The following PREX2 variants were observed in gnomAD, a reference collection of about 807,000 sequenced individuals.
PREX2 encodes phosphatidylinositol-3,4,5-trisphosphate dependent Rac exchange factor 2, also known as phosphatidylinositol 3,4,5-trisphosphate-dependent Rac exchanger 2 protein.
A neutral mutation model predicts 203.2 loss-of-function variants in PREX2; 107 were observed. The observed-to-expected ratio is 0.53, with a 90% CI of 0.45 to 0.62. The LOEUF is 0.62. Among genes scored for constraint, PREX2 ranks in the 20% least tolerant of loss-of-function variants. PREX2 has a pLI of 0.00. For missense variants in PREX2, 1,777 were observed against 1,955.9 expected (o/e 0.91, Z 1.72); for synonymous variants, 672 against 663.6 (o/e 1.01, Z -0.19).
intron 23 of PREX2, chr8:68,100,199 T>C (rs1262921351): frequency 4.3e-6 from 2 of 462,174 alleles, no homozygotes; most frequent in East Asian, 6.7e-5. Flanking sequence ...TTCTCCCAAC[T>C]AAGAGAATGA....
At chr8:68,160,421 A>G (rs1811631898) in intron 35 of PREX2, among the ~76,000 whole-genome samples, 1 of 152,106 alleles carries the variant, frequency 6.6e-6, no homozygotes, top group African/African-American at 2.4e-5. Context: ...ATCACTGATA[A>G]CATATATCAA....
chr8:68,206,101 G>C (rs1265538638), intron 37 of PREX2, among the ~76,000 whole-genome samples: 1 of 152,134 alleles, frequency 6.6e-6, no homozygotes, highest in Admixed American at 6.6e-5. Flanking sequence ...ATTCGAATTT[G>C]GTAGAGTAGA....
intron 10 of PREX2, among the ~76,000 whole-genome samples, chr8:68,059,597 A>G (rs73683302): frequency 0.089 from 13,483 of 152,258 alleles, 1,846 homozygotes; most frequent in African/African-American, 0.29. Context: ...TTGCTGTATA[A>G]CAAATGAACA....
intron 37 of PREX2, among the ~76,000 whole-genome samples, chr8:68,204,066 A>G (rs1812561666): frequency 6.6e-6 from 1 of 151,982 alleles, no homozygotes. Flanking sequence ...GAAATGAAAT[A>G]AATTGGTGAG....
intron 8 of PREX2, among the ~76,000 whole-genome samples, chr8:68,048,080 A>G (rs192184874): frequency 1.3e-3 from 202 of 152,166 alleles, no homozygotes; most frequent in African/African-American, 4.6e-3. Flanking sequence ...TAATTCCTAT[A>G]TTCAAGGCAG....
chr8:68,146,866 C>T (rs1811338044), intron 34 of PREX2, among the ~76,000 whole-genome samples: 1 of 151,840 alleles, frequency 6.6e-6, no homozygotes, highest in Non-Finnish European at 1.5e-5. Context: ...ATATATATTC[C>T]TTTGTCATTT....
intron 32 of PREX2, among the ~76,000 whole-genome samples, chr8:68,136,910 T>C (rs1254282732): frequency 6.9e-6 from 1 of 143,966 alleles, no homozygotes; most frequent in Admixed American, 7.0e-5. Context: ...TTACAGCAAC[T>C]TTTTTTTTTT....
At chr8:68,105,343 C>A in intron 23 of PREX2, 5 of 1,367,038 alleles carry the variant, frequency 3.7e-6, no homozygotes, top group Non-Finnish European at 4.9e-6. Context: ...ATGCTCTTAG[C>A]AGAGAGGGCC....
At chr8:67,971,895 G>A (rs1805936947) in intron 1 of PREX2, among the ~76,000 whole-genome samples, 1 of 152,236 alleles carries the variant, frequency 6.6e-6, no homozygotes, top group Non-Finnish European at 1.5e-5. Flanking sequence ...AAATAAGGAT[G>A]TTGTAGAAAT....
At chr8:68,207,569 G>A (rs1812655183) in intron 37 of PREX2, among the ~76,000 whole-genome samples, 1 of 152,062 alleles carries the variant, frequency 6.6e-6, no homozygotes. Context: ...ACAGCCTGGT[G>A]GTGGTGGTGG....
intron 27 of PREX2, 34 bp from the exon 28 acceptor site, chr8:68,119,398 T>A: frequency 7.1e-7 from 1 of 1,413,682 alleles, no homozygotes; most frequent in Non-Finnish European, 1.0e-6. Context: ...TGAGTGATTT[T>A]GGTTTTTGGT....
intron 1 of PREX2, among the ~76,000 whole-genome samples, chr8:68,012,556 G>A (rs1404247707): frequency 6.6e-6 from 1 of 152,170 alleles, no homozygotes; most frequent in Non-Finnish European, 1.5e-5. Context: ...ATTTATTTGA[G>A]TAATTCAGGT....
chr8:68,174,586 T>G (rs1432078119), intron 35 of PREX2, among the ~76,000 whole-genome samples: 1 of 152,166 alleles, frequency 6.6e-6, no homozygotes, highest in African/African-American at 2.4e-5. Flanking sequence ...CTTTCCCCAC[T>G]GAGGTCTTCC....
intron 33 of PREX2, 56 bp from the exon 34 acceptor site, chr8:68,146,153 T>C: frequency 8.1e-7 from 1 of 1,233,740 alleles, no homozygotes; most frequent in Admixed American, 2.1e-5. Context: ...TTAACAAAAG[T>C]ACCATCTAGC....
chr8:68,130,641 G>A lies in PREX2; in HGVS notation c.3766+3222G>A, dbSNP rs534255037. On this transcript the variant is annotated intron_variant, in intron 31 of 39. Coordinates refer to ENST00000288368, the MANE Select transcript of PREX2 (RefSeq NM_024870.4). Reference sequence around the variant, plus strand: ...GAGGAATGAACCCCATTTTCCACATGGGGATCTGATACCTAAAATATGGCT... The same window carrying A: ...GAGGAATGAACCCCATTTTCCACATAGGGATCTGATACCTAAAATATGGCT... 6.6e-5 allele frequency among the ~76,000 whole-genome samples: 10 copies of A among 152,282 alleles called. No individual in the cohort carries two copies. In the South Asian group the frequency reaches 1.9e-3, roughly 28 times the overall value.
At chr8:68,117,283 G>A (rs1810677685) in intron 26 of PREX2, among the ~76,000 whole-genome samples, 1 of 152,188 alleles carries the variant, frequency 6.6e-6, no homozygotes, top group South Asian at 2.1e-4. Context: ...AGCCCAGAGG[G>A]CTGATATCAT....
chr8:68,118,295 C>T (rs547235789), intron 26 of PREX2, among the ~76,000 whole-genome samples: 93 of 149,140 alleles, frequency 6.2e-4, no homozygotes, highest in African/African-American at 2.2e-3. Flanking sequence ...GCGGAGCTTG[C>T]AGTGAGCCGA....
intron 14 of PREX2, among the ~76,000 whole-genome samples, chr8:68,075,165 A>C (rs1170395582): frequency 6.6e-6 from 1 of 152,200 alleles, no homozygotes; most frequent in Non-Finnish European, 1.5e-5. Flanking sequence ...CACCAGGTGC[A>C]TATGGCACAA....
chr8:68,018,384 T>C (rs535522479), intron 2 of PREX2, among the ~76,000 whole-genome samples: 1 of 152,252 alleles, frequency 6.6e-6, no homozygotes, highest in Non-Finnish European at 1.5e-5. Flanking sequence ...GGAGAATTGC[T>C]TGAACCCAGG....
Sources: allele counts gnomAD v4.1 joint callset (sites outside exome capture counted in the v4.1 genomes callset), GRCh38; gene constraint gnomAD v4.1.1; transcripts MANE v1.5; gene names NCBI Gene and HGNC (gene_info 2026-07-23, HGNC 2026-07-21).